SYT1: variants seen among roughly 807,000 people sequenced by gnomAD.
SYT1 encodes the protein synaptotagmin-1.
SYT1 carries 8 observed loss-of-function variants against 44.8 expected under a neutral mutation model. The ratio of observed to expected loss-of-function variants is 0.18; its 90% CI spans 0.10 to 0.32. SYT1 has a LOEUF of 0.32. Among genes scored for constraint, SYT1 ranks in the 10% least tolerant of loss-of-function variants. The pLI, the probability that SYT1 is intolerant of heterozygous loss-of-function variation, is 1.00. For missense variants in SYT1, 286 were observed against 509.3 expected (o/e 0.56, Z 4.22); for synonymous variants, 154 against 188.8 (o/e 0.82, Z 1.51).
intron 3 of SYT1, among the ~76,000 whole-genome samples, chr12:79,159,616 T>C (rs1316818434): frequency 6.6e-6 from 1 of 152,048 alleles, no homozygotes; most frequent in African/African-American, 2.4e-5. Flanking sequence ...TATGTATATG[T>C]AGGAAAAAAA....
Position 79,144,581 on chromosome 12 carries a change from G to A in SYT1, c.-17-72922G>A, listed in dbSNP as rs929964864. Among the ~76,000 whole-genome samples, 3 of 152,294 alleles carry A rather than the reference G, an allele frequency of 2.0e-5. No individual in the cohort carries two copies. In the South Asian group the frequency reaches 6.2e-4, roughly 32 times the overall value. On this transcript the variant is annotated intron_variant, in intron 3 of 10. Transcript: ENST00000261205. ...CAAACTGGGCTAGACAGCACCAGGAGGTAGATGGCTCTTGCAACAAGACCC... is the reference window on the plus strand; with the variant it reads ...CAAACTGGGCTAGACAGCACCAGGAAGTAGATGGCTCTTGCAACAAGACCC...
At chr12:78,973,916 CAAAAAA>C (rs1162433648) in intron 1 of SYT1, among the ~76,000 whole-genome samples, 109 of 9,042 alleles carry the variant, frequency 0.012, 1 homozygote, top group East Asian at 0.032. Context: ...AGACGAACAC[CAAAAAA>C]AAAAAAAAAA....
chr12:79,167,029 G>T (rs1173186869), intron 3 of SYT1, among the ~76,000 whole-genome samples: 1 of 152,010 alleles, frequency 6.6e-6, no homozygotes, highest in Admixed American at 6.6e-5. Flanking sequence ...TAGTGTAACA[G>T]ATTGTTAATA....
At chr12:78,866,508 A>G (rs1873552009) in intron 1 of SYT1, among the ~76,000 whole-genome samples, 1 of 152,242 alleles carries the variant, frequency 6.6e-6, no homozygotes, top group African/African-American at 2.4e-5. Context: ...ATAATAGGTC[A>G]AGTAAATGGT....
chr12:78,877,937 A>G (rs1360193991), intron 1 of SYT1, among the ~76,000 whole-genome samples: 1 of 151,796 alleles, frequency 6.6e-6, no homozygotes, highest in Non-Finnish European at 1.5e-5. Flanking sequence ...CCTCAAAAGT[A>G]TAATCTTCTT....
chr12:79,076,382 C>T (rs539298829), intron 3 of SYT1, among the ~76,000 whole-genome samples: 234 of 152,098 alleles, frequency 1.5e-3, no homozygotes, highest in Admixed American at 2.4e-3. Flanking sequence ...TTTGTGGTAG[C>T]GTGTTCTGAA....
At chr12:79,009,014 A>T (rs1871258915) in intron 2 of SYT1, among the ~76,000 whole-genome samples, 1 of 152,158 alleles carries the variant, frequency 6.6e-6, no homozygotes, top group Non-Finnish European at 1.5e-5. Context: ...TGGTTCCAAG[A>T]TTACTTGGAA....
intron 3 of SYT1, among the ~76,000 whole-genome samples, chr12:79,165,419 G>A (rs1338481393): frequency 6.6e-6 from 1 of 151,916 alleles, no homozygotes; most frequent in Non-Finnish European, 1.5e-5. Context: ...TGTTGCAAAG[G>A]TTTTGTTCAC....
intron 3 of SYT1, among the ~76,000 whole-genome samples, chr12:79,051,242 T>A (rs1044053967): frequency 3.3e-5 from 5 of 151,478 alleles, no homozygotes; most frequent in Non-Finnish European, 7.4e-5. Flanking sequence ...AGTTTAAAAT[T>A]GTATTTTGAT....
chr12:79,080,982 G>A (rs577276409), intron 3 of SYT1, among the ~76,000 whole-genome samples: 36 of 152,284 alleles, frequency 2.4e-4, no homozygotes, highest in African/African-American at 8.2e-4. Flanking sequence ...GTGACTAGAT[G>A]GGGGATTTAG....
chr12:78,874,318 G>C (rs547686914), intron 1 of SYT1, among the ~76,000 whole-genome samples: 1 of 151,666 alleles, frequency 6.6e-6, no homozygotes, highest in East Asian at 1.9e-4. Flanking sequence ...ATAAATGTCA[G>C]AAGAAGAGAA....
At chr12:79,218,152 A>C (rs1177277798) in intron 4 of SYT1, among the ~76,000 whole-genome samples, 1 of 152,006 alleles carries the variant, frequency 6.6e-6, no homozygotes, top group East Asian at 1.9e-4. Context: ...AAGTTTCCTT[A>C]TTGTCATTAA....
rs144765872 is a variant in SYT1, at chr12:79,108,552, C to T, written c.-18+61190C>T. On this transcript the variant is annotated intron_variant, in intron 3 of 10. Transcript: ENST00000261205. ...TACAGTGAGAGAGACCCTCCCATGC[C>T]CCTTGGATAGGAATGCAAAAGGGGA... Among the ~76,000 whole-genome samples, 456 of 152,066 alleles carry T rather than the reference C, an allele frequency of 3.0e-3. 1 individual carries two copies. The highest frequency in any genetic ancestry group is 0.017 in the Middle Eastern group (5 of 294).
At chr12:79,009,388 C>A (rs1871284695) in intron 2 of SYT1, among the ~76,000 whole-genome samples, 1 of 152,128 alleles carries the variant, frequency 6.6e-6, no homozygotes, top group South Asian at 2.1e-4. Flanking sequence ...AGTAGGCAAA[C>A]CTACTTTCAG....
intron 3 of SYT1, among the ~76,000 whole-genome samples, chr12:79,073,569 C>T (rs748234312): frequency 1.3e-5 from 2 of 151,972 alleles, no homozygotes; most frequent in African/African-American, 2.4e-5. Flanking sequence ...TCCAAGCCAC[C>T]GGAGTCTTCC....
At chr12:79,386,058 C>G (rs1378264701) in intron 9 of SYT1, among the ~76,000 whole-genome samples, 2 of 152,174 alleles carry the variant, frequency 1.3e-5, no homozygotes, top group African/African-American at 2.4e-5. Flanking sequence ...TGCCTAGCTG[C>G]TACTTTAAAC....
chr12:79,280,519 A>G (rs1225563037), intron 4 of SYT1, among the ~76,000 whole-genome samples: 1 of 152,138 alleles, frequency 6.6e-6, no homozygotes, highest in East Asian at 1.9e-4. Context: ...TGGATTAAAG[A>G]CTTAAATGTA....
chr12:79,286,050 C>G (rs113910202), intron 5 of SYT1, 79 bp downstream of exon 5: 5 of 1,441,238 alleles, frequency 3.5e-6, no homozygotes, highest in African/African-American at 1.5e-5. Context: ...CATATAATTA[C>G]AGAAATAAAC....
intron 8 of SYT1, among the ~76,000 whole-genome samples, chr12:79,335,698 T>C (rs910118966): frequency 6.6e-6 from 1 of 152,178 alleles, no homozygotes; most frequent in Non-Finnish European, 1.5e-5. Context: ...GGTCCATCCA[T>C]TCAAAAACAC....
Sources: allele counts gnomAD v4.1 joint callset (sites outside exome capture counted in the v4.1 genomes callset), GRCh38; gene constraint gnomAD v4.1.1; transcripts MANE v1.5; gene names NCBI Gene and HGNC (gene_info 2026-07-23, HGNC 2026-07-21).